TCF7L1: variants seen among roughly 807,000 people sequenced by gnomAD.
TCF7L1 encodes the protein transcription factor 7-like 1.
Under a neutral mutation model 63.7 loss-of-function variants are expected in TCF7L1, and 18 were observed. The observed-to-expected ratio is 0.28, with a 90% confidence interval of 0.20 to 0.42. TCF7L1 has a LOEUF of 0.42. Ranked by LOEUF, TCF7L1 falls within the 10% of genes least tolerant of loss-of-function variation. The pLI is 1.00. For synonymous variants in TCF7L1, 355 were observed against 340.9 expected (o/e 1.04, Z -0.46); for missense variants, 654 against 779.3 (o/e 0.84, Z 1.91).
At chr2:85,177,019 A>C (rs541900340) in intron 3 of TCF7L1, among the ~76,000 whole-genome samples, 370 of 151,754 alleles carry the variant, frequency 2.4e-3, no homozygotes, top group Non-Finnish European at 4.8e-3. Context: ...ATCCAACCAC[A>C]AAGTGCCAGA....
intron 3 of TCF7L1, among the ~76,000 whole-genome samples, chr2:85,140,192 C>T (rs1292539626): frequency 6.6e-6 from 1 of 152,078 alleles, no homozygotes; most frequent in Non-Finnish European, 1.5e-5. Flanking sequence ...GGAGGCCTCC[C>T]CAGTCTCTAC....
chr2:85,258,979 C>T (rs1680789652), intron 3 of TCF7L1, among the ~76,000 whole-genome samples: 1 of 152,218 alleles, frequency 6.6e-6, no homozygotes, highest in Non-Finnish European at 1.5e-5. Context: ...CGAGGTCTAC[C>T]TCAGATCCCA....
rs1458494096 is a variant in TCF7L1 at position 85,308,532 on chromosome 2, G to A, written c.1334-497G>A. Among the ~76,000 whole-genome samples, 9 of 74,236 alleles carry A rather than the reference G, an allele frequency of 1.2e-4. No individual in the cohort carries two copies. In the South Asian group the frequency reaches 3.7e-3, roughly 31 times the overall value. 48.7% of individuals were successfully genotyped at this position (74,236 alleles called of 152,430 possible). ...TCTTCTTCCCTCGCTTTCTCCTTCC[G>A]CCCTCCCTTTCTCCTTCCCTCCCTC... On this transcript the variant is annotated intron_variant, in intron 11 of 11. Transcript: ENST00000282111.
intron 3 of TCF7L1, among the ~76,000 whole-genome samples, chr2:85,156,417 AG>A (rs202012390): frequency 0.031 from 4,709 of 152,302 alleles, 112 homozygotes; most frequent in Non-Finnish European, 0.05. Flanking sequence ...GCGAGTGTTC[AG>A]GAAGGGAGCA....
At chr2:85,234,137 T>C (rs1272643877) in intron 3 of TCF7L1, among the ~76,000 whole-genome samples, 1 of 137,952 alleles carries the variant, frequency 7.2e-6, no homozygotes, top group Admixed American at 7.1e-5. Flanking sequence ...TTTTCTTTTT[T>C]TTTTTTTTTT....
intron 3 of TCF7L1, among the ~76,000 whole-genome samples, chr2:85,151,751 T>C (rs1331820888): frequency 6.6e-6 from 1 of 152,236 alleles, no homozygotes; most frequent in Non-Finnish European, 1.5e-5. Context: ...ATTTGCATAT[T>C]GTTTAGGGCA....
chr2:85,279,666 C>G (rs1342594777), intron 3 of TCF7L1, among the ~76,000 whole-genome samples: 1 of 152,138 alleles, frequency 6.6e-6, no homozygotes, highest in African/African-American at 2.4e-5. Flanking sequence ...TCCTCCTCCC[C>G]CCGTCACTCA....
intron 3 of TCF7L1, among the ~76,000 whole-genome samples, chr2:85,153,730 A>G (rs1012975799): frequency 6.6e-6 from 1 of 152,192 alleles, no homozygotes; most frequent in African/African-American, 2.4e-5. Flanking sequence ...TAGAATACAT[A>G]TTCTTAAGTA....
intron 3 of TCF7L1, among the ~76,000 whole-genome samples, chr2:85,198,237 T>G (rs367658338): frequency 5.8e-4 from 88 of 152,314 alleles, no homozygotes; most frequent in African/African-American, 2.1e-3. Context: ...GAAACCCAGA[T>G]TAGAATTCAG....
chr2:85,263,320 G>GC (rs1411186503), intron 3 of TCF7L1, among the ~76,000 whole-genome samples: 2 of 68,486 alleles, frequency 2.9e-5, no homozygotes, highest in Non-Finnish European at 9.4e-5. Context: ...GTAGGGTGGA[G>GC]GGGGGGAAGT....
chr2:85,274,333 C>T (rs10201505), intron 3 of TCF7L1, among the ~76,000 whole-genome samples: 3 of 152,196 alleles, frequency 2.0e-5, no homozygotes, highest in African/African-American at 7.2e-5. Context: ...AAGCCTAGGG[C>T]TCTGTCCCGG....
rs546478014 is a variant in TCF7L1 at position 85,161,196 on chromosome 2, C to T, written c.441+26746C>T. Among the ~76,000 whole-genome samples the T allele has an allele frequency of 8.5e-5, 13 of 152,332 alleles. No individual in the cohort carries two copies. In the East Asian group the frequency reaches 2.5e-3, roughly 29 times the overall value. On this transcript the variant is annotated intron_variant, in intron 3 of 11. Transcript: ENST00000282111. ...TTTAATGAAGTGTTGACTCTGGAGT[C>T]TCCAGGATAACTTGCAGTTGCCCAA...
At chr2:85,289,558 T>A (rs1313054878) in intron 4 of TCF7L1, among the ~76,000 whole-genome samples, 2 of 152,160 alleles carry the variant, frequency 1.3e-5, no homozygotes, top group East Asian at 3.9e-4. Flanking sequence ...TAGAGAAAAA[T>A]CTAGATGAGG....
chr2:85,181,240 C>T (rs529924629), intron 3 of TCF7L1, among the ~76,000 whole-genome samples: 3 of 152,168 alleles, frequency 2.0e-5, no homozygotes, highest in Non-Finnish European at 2.9e-5. Flanking sequence ...GAGTAGCCAG[C>T]GTGTGCATGT....
At chr2:85,252,397 T>C (rs1558646779) in intron 3 of TCF7L1, among the ~76,000 whole-genome samples, 4 of 152,228 alleles carry the variant, frequency 2.6e-5, no homozygotes, top group Admixed American at 6.5e-5. Flanking sequence ...TGATAATTTA[T>C]AGCCACCCGT....
intron 3 of TCF7L1, among the ~76,000 whole-genome samples, chr2:85,236,636 G>A (rs1374669708): frequency 6.6e-6 from 1 of 152,162 alleles, no homozygotes; most frequent in Non-Finnish European, 1.5e-5. Flanking sequence ...AGAGAGCCTT[G>A]CCGGGGATCA....
At chr2:85,302,424 C>A in intron 4 of TCF7L1, 60 bp from the exon 5 acceptor site, 1 of 1,610,838 alleles carries the variant, frequency 6.2e-7, no homozygotes, top group Non-Finnish European at 8.5e-7. Flanking sequence ...CCATAAATAA[C>A]AGCTGGTCAT....
At chr2:85,264,725 C>G (rs1680929381) in intron 3 of TCF7L1, among the ~76,000 whole-genome samples, 1 of 152,142 alleles carries the variant, frequency 6.6e-6, no homozygotes, top group African/African-American at 2.4e-5. Flanking sequence ...ACTAGCCTAG[C>G]CTGGATGCTT....
chr2:85,221,685 C>T (rs1359808699), intron 3 of TCF7L1, among the ~76,000 whole-genome samples: 1 of 152,172 alleles, frequency 6.6e-6, no homozygotes, highest in Non-Finnish European at 1.5e-5. Flanking sequence ...GCCCTCATAA[C>T]CTAATCACCT....
Sources: allele counts gnomAD v4.1 joint callset (sites outside exome capture counted in the v4.1 genomes callset), GRCh38; gene constraint gnomAD v4.1.1; transcripts MANE v1.5; gene names NCBI Gene and HGNC (gene_info 2026-07-23, HGNC 2026-07-21).